The following ARID1B variants were observed in gnomAD, a reference collection of about 807,000 sequenced individuals.
The protein encoded by ARID1B is AT-rich interactive domain-containing protein 1B.
Under a neutral mutation model 212.3 loss-of-function variants are expected in ARID1B, and 30 were observed. The ratio of observed to expected loss-of-function variants is 0.14; its 90% confidence interval spans 0.11 to 0.19. The LOEUF is 0.19. Ranked by LOEUF, ARID1B falls within the 10% of genes least tolerant of loss-of-function variation. The probability of loss-of-function intolerance (pLI) is 1.00; values close to 1 mark genes in which losing one functional copy is unlikely to be tolerated. For synonymous variants in ARID1B, 1,402 were observed against 1,301.7 expected (o/e 1.08, Z -1.66); for missense variants, 2,891 against 3,204.0 (o/e 0.90, Z 2.36).
Position 157,198,698 on chromosome 6 carries a change from A to G in ARID1B, c.4383-113A>G, listed in dbSNP as rs112324115. 43,483 of 867,380 alleles carry G rather than the reference A, an allele frequency of 0.05. 1,778 individuals carry two copies. The highest frequency in any genetic ancestry group is 0.17 in the African/African-American group (10,415 of 59,838). 53.7% of individuals were successfully genotyped at this position (867,380 alleles called of 1,614,324 possible). On this transcript the variant is annotated intron_variant, in intron 16 of 19. Transcript: ENST00000636930. The stretch of plus-strand genomic sequence containing the variant: ...GGCCTTTGTCGGAGGGGTGCGCAGT[A>G]AAAGCCACACAGAGCTGCTTGAGGG...
intron 3 of ARID1B, among the ~76,000 whole-genome samples, chr6:156,932,234 G>GT (rs890374830): frequency 1.3e-5 from 2 of 151,250 alleles, no homozygotes; most frequent in African/African-American, 4.9e-5. Flanking sequence ...TCACACCTTT[G>GT]TTTGTGAGTC....
At chr6:157,103,940 A>T (rs936751778) in intron 5 of ARID1B, among the ~76,000 whole-genome samples, 1 of 147,292 alleles carries the variant, frequency 6.8e-6, no homozygotes, top group Non-Finnish European at 1.5e-5. Context: ...GGTTCAAGTG[A>T]TTCTCCCGCC....
intron 4 of ARID1B, among the ~76,000 whole-genome samples, chr6:157,075,035 A>T (rs532447872): frequency 6.6e-6 from 1 of 152,306 alleles, no homozygotes; most frequent in South Asian, 2.1e-4. Context: ...CCTCCTTTTG[A>T]GTAGTTTTTG....
chr6:156,911,173 A>T (rs1406025779), intron 3 of ARID1B, among the ~76,000 whole-genome samples: 5 of 152,188 alleles, frequency 3.3e-5, no homozygotes, highest in Admixed American at 1.3e-4. Flanking sequence ...TTTTGAAATG[A>T]TGAGCAACTG....
At chr6:157,149,159 G>A (rs955914554) in intron 8 of ARID1B, 2 of 595,932 alleles carry the variant, frequency 3.4e-6, no homozygotes, top group Non-Finnish European at 5.9e-6. Flanking sequence ...ACATGAGGAA[G>A]GAATGTGAGC....
Position 156,980,263 on chromosome 6 carries a change from A to G in ARID1B, c.2247+44687A>G, listed in dbSNP as rs149339181. 7.5e-3 allele frequency among the ~76,000 whole-genome samples: 1,137 copies of G among 152,126 alleles called. 8 individuals carry two copies. Among genetic ancestry groups the G allele is most frequent in the South Asian group, 0.027 (132 of 4,818 alleles). ...TTTGGTAGGCCGAGGTGGGTAGATC[A>G]CCTGCGGTCAGGAGTTCGAGACCAC... On this transcript the variant is annotated intron_variant, in intron 4 of 19. Coordinates refer to ENST00000636930, the MANE Select transcript of ARID1B (RefSeq NM_001374828.1).
Position 156,901,541 on chromosome 6 carries a change from TG to T in ARID1B, c.2136+17del. ...GCCGCAGCAGGTGAGCACAGTGCACTGCCCCGCAGGGCCCTGTTTTCTCCAC... is the reference window on the plus strand; with the variant it reads ...GCCGCAGCAGGTGAGCACAGTGCACTCCCCGCAGGGCCCTGTTTTCTCCAC... On this transcript the variant is annotated intron_variant, in intron 3 of 19. Transcript: ENST00000636930. The T allele has an allele frequency of 6.2e-7, 1 of 1,609,972 alleles. No individual in the cohort carries two copies. The highest frequency in any genetic ancestry group is 8.5e-7 in the Non-Finnish European group (1 of 1,178,128).
At chr6:157,046,263 T>C (rs1253888493) in intron 4 of ARID1B, among the ~76,000 whole-genome samples, 1 of 152,204 alleles carries the variant, frequency 6.6e-6, no homozygotes, top group East Asian at 1.9e-4. Context: ...AAGACAAGAC[T>C]GTGAGGCCAA....
chr6:156,918,014 G>C (rs1790495245), intron 3 of ARID1B, among the ~76,000 whole-genome samples: 1 of 152,122 alleles, frequency 6.6e-6, no homozygotes, highest in African/African-American at 2.4e-5. Flanking sequence ...CTGGAACATG[G>C]GGGTAAAATA....
intron 4 of ARID1B, among the ~76,000 whole-genome samples, chr6:156,982,316 G>A (rs111902580): frequency 0.012 from 1,770 of 152,120 alleles, 43 homozygotes; most frequent in African/African-American, 0.04. Context: ...CTGTTGCTGT[G>A]GAGAAATTAG....
intron 15 of ARID1B, chr6:157,195,047 C>T (rs1394203185): frequency 6.6e-6 from 1 of 152,196 alleles, no homozygotes; most frequent in Non-Finnish European, 1.5e-5. Flanking sequence ...TGAAATTAAA[C>T]TCAGAGGTAA....
rs11372694 is a variant in ARID1B at position 156,993,045 on chromosome 6, C to CTT, written c.2247+57484_2247+57485dup. Among the ~76,000 whole-genome samples the CTT allele has an allele frequency of 3.3e-3, 452 of 135,274 alleles. 5 individuals carry two copies. The highest frequency in any genetic ancestry group is 0.019 in the South Asian group (80 of 4,180). 88.7% of individuals were successfully genotyped at this position (135,274 alleles called of 152,430 possible). A position where few individuals can be genotyped will look rare whatever the true frequency, so the allele number is the denominator to read the frequency against. ...CCATAATTGTATATATATGCTTTCG[C>CTT]TTTTTTTTTTTTTTTTAAGATGGAG... On this transcript the variant is annotated intron_variant, in intron 4 of 19. Transcript: ENST00000636930.
At position 157,010,615 on chromosome 6, in the gene ARID1B, C is replaced by T. The variant is rs1393303479; in HGVS notation, c.2248-74047C>T. 7.5e-5 allele frequency among the ~76,000 whole-genome samples: 11 copies of T among 147,060 alleles called. 1 individual carries two copies. The highest frequency in any genetic ancestry group is 4.3e-4 in the South Asian group (2 of 4,698). On this transcript the variant is annotated intron_variant, in intron 4 of 19. Coordinates refer to ENST00000636930, the MANE Select transcript of ARID1B (RefSeq NM_001374828.1). ...GATTACAGGCGTGAGCCACCATGCC[C>T]GGCCTGTTTTTTTTTTTTGCTTTGT...
In ARID1B at chr6:156,850,294, C is replaced by G. The variant is rs999797986; in HGVS notation, c.1986+20873C>G. Reference sequence around the variant, plus strand: ...CTCTTTTTGACTGGACAATATGAATCTGTATTTTTATTATTGCATTTTGGG... The same window carrying G: ...CTCTTTTTGACTGGACAATATGAATGTGTATTTTTATTATTGCATTTTGGG... On this transcript the variant is annotated intron_variant, in intron 2 of 19. Coordinates refer to ENST00000636930, the MANE Select transcript of ARID1B (RefSeq NM_001374828.1). Among the ~76,000 whole-genome samples, 9 of 152,112 alleles carry G rather than the reference C, an allele frequency of 5.9e-5. No homozygotes were observed. The East Asian group carries it at 1.7e-3, about 29-fold the overall frequency.
chr6:157,088,206 C>T (rs1026049062), intron 5 of ARID1B, among the ~76,000 whole-genome samples: 13 of 152,190 alleles, frequency 8.5e-5, no homozygotes, highest in Admixed American at 5.9e-4. Flanking sequence ...TACCTGCCCT[C>T]TTGTGGGAAG....
intron 11 of ARID1B, among the ~76,000 whole-genome samples, chr6:157,176,120 T>TG (rs1444461906): frequency 6.6e-6 from 1 of 152,206 alleles, no homozygotes; most frequent in East Asian, 1.9e-4. Flanking sequence ...AAAATTCACA[T>TG]GCAGCTCTAG....
chr6:157,102,379 A>G (rs1583308896), intron 5 of ARID1B, among the ~76,000 whole-genome samples: 1 of 152,238 alleles, frequency 6.6e-6, no homozygotes. Flanking sequence ...TGCTAAATGT[A>G]CTTACCATTT....
intron 1 of ARID1B, among the ~76,000 whole-genome samples, chr6:156,792,424 T>G (rs759013332): frequency 2.0e-5 from 3 of 152,162 alleles, no homozygotes; most frequent in Non-Finnish European, 4.4e-5. Context: ...GGCAACATAG[T>G]GAGACTCATC....
rs1296778622 is a variant in ARID1B, at chr6:157,039,688, TCCTTCC to T, written c.2248-44973_2248-44968del. ...TTCCTTCCTTCCTTCCTTCCTTCCTTCCTTCCTTCTTTCTTTCCTTTCTTTCCTTCC... is the reference window on the plus strand; with the variant it reads ...TTCCTTCCTTCCTTCCTTCCTTCCTTTTCTTTCTTTCCTTTCTTTCCTTCC... On this transcript the variant is annotated intron_variant, in intron 4 of 19. Coordinates refer to ENST00000636930, the MANE Select transcript of ARID1B (RefSeq NM_001374828.1). Among the ~76,000 whole-genome samples, 726 of 93,518 alleles carry T rather than the reference TCCTTCC, an allele frequency of 7.8e-3. 13 individuals carry two copies. The highest frequency in any genetic ancestry group is 0.014 in the Middle Eastern group (3 of 212). 61.4% of individuals were successfully genotyped at this position (93,518 alleles called of 152,430 possible). A position where few individuals can be genotyped will look rare whatever the true frequency, so the allele number is the denominator to read the frequency against.
Sources: allele counts gnomAD v4.1 joint callset (sites outside exome capture counted in the v4.1 genomes callset), GRCh38; gene constraint gnomAD v4.1.1; transcripts MANE v1.5; gene names NCBI Gene and HGNC (gene_info 2026-07-23, HGNC 2026-07-21).